SLC25A25: variants seen among roughly 807,000 people sequenced by gnomAD.
The protein encoded by SLC25A25 is mitochondrial adenyl nucleotide antiporter SLC25A25.
In SLC25A25, 32 loss-of-function variants were observed where a neutral mutation model predicts 57.7. The observed-to-expected ratio is 0.55, with a 90% CI of 0.42 to 0.74. The LOEUF (loss-of-function observed/expected upper bound fraction) is 0.74, where lower values mean the gene tolerates loss of function less well. SLC25A25 is among the 30% of genes least tolerant of loss of function. The pLI is 0.00. For synonymous variants in SLC25A25, 306 were observed against 291.2 expected, an observed-to-expected ratio of 1.05 and a Z score of -0.52; for missense variants, 556 against 701.3, an observed-to-expected ratio of 0.79 and a Z score of 2.34.
Position 128,107,736 on chromosome 9 carries a change from G to C in SLC25A25, c.*292G>C. 4.9e-6 allele frequency: 2 copies of C among 409,442 alleles called. No individual in the cohort carries two copies. Among genetic ancestry groups the C allele is most frequent in the Non-Finnish European group, 8.6e-6 (2 of 232,052 alleles). The allele number at this position is 409,442 out of a possible 1,614,324, so 25.4% of individuals were successfully genotyped here. On this transcript the variant is annotated 3_prime_UTR_variant, in exon 11 of 11. Transcript: ENST00000373069. ...GGACAGGACATTTTCTGCAGTGCCT[G>C]CCAATAGCGAGCTTGGAGCCTGGAG...
At chr9:128,098,529 G>T in intron 1 of SLC25A25, 2 of 1,576,328 alleles carry the variant, frequency 1.3e-6, no homozygotes, top group Non-Finnish European at 1.7e-6. Flanking sequence ...ACTTGCTCCC[G>T]GTGGTGAGGG....
chr9:128,078,573 G>A (rs1047920779), intron 1 of SLC25A25, among the ~76,000 whole-genome samples: 1 of 152,196 alleles, frequency 6.6e-6, no homozygotes. Context: ...TTTGGGGCCC[G>A]CATGCTTTCC....
intron 1 of SLC25A25, among the ~76,000 whole-genome samples, chr9:128,080,983 T>C (rs924932426): frequency 6.6e-6 from 1 of 152,180 alleles, no homozygotes; most frequent in African/African-American, 2.4e-5. Flanking sequence ...CAGTTAACTT[T>C]TTTCCTTTTT....
At position 128,099,264 on chromosome 9, in the gene SLC25A25, G is replaced by T. The variant is rs1407134920; in HGVS notation, c.262-1832G>T. Reference sequence around the variant, plus strand: ...GGCTTCTCGGTTAATCAGTTTCCCTGCTACCCCCAGTGCCCACTGTGCACC... The same window carrying T: ...GGCTTCTCGGTTAATCAGTTTCCCTTCTACCCCCAGTGCCCACTGTGCACC... On this transcript the variant is annotated intron_variant, in intron 1 of 10. Coordinates refer to ENST00000373069, the MANE Select transcript of SLC25A25 (RefSeq NM_001330988.2). This position sits in a 1 kb window ranked among gnomAD's most constrained non-coding sequence, Gnocchi z 6.8. 2.3e-6 allele frequency: 3 copies of T among 1,289,108 alleles called. No individual in the cohort carries two copies. In the Admixed American group the frequency reaches 6.9e-5, roughly 30 times the overall value. The allele number at this position is 1,289,108 out of a possible 1,614,324, so 79.9% of individuals were successfully genotyped here. A position where few individuals can be genotyped will look rare whatever the true frequency, so the allele number is the denominator to read the frequency against.
chr9:128,107,508 A>G lies in SLC25A25; in HGVS notation c.*64A>G. ...GGGCCGCAGCCTGGGGTGTGCAGCC[A>G]TCTCATTCTGTGAATGTGCCAACAC... On this transcript the variant is annotated 3_prime_UTR_variant, in exon 11 of 11. Coordinates refer to ENST00000373069, the MANE Select transcript of SLC25A25 (RefSeq NM_001330988.2). 1 of 1,481,460 alleles carries G rather than the reference A, an allele frequency of 6.8e-7. No homozygotes were observed. The highest frequency in any genetic ancestry group is 1.4e-5 in the African/African-American group (1 of 71,228). The allele number at this position is 1,481,460 out of a possible 1,614,324, so 91.8% of individuals were successfully genotyped here.
Position 128,099,496 on chromosome 9 carries a change from C to A in SLC25A25, c.262-1600C>A. 1 of 827,416 alleles carries A rather than the reference C, an allele frequency of 1.2e-6. No homozygotes were observed. The highest frequency in any genetic ancestry group is 1.6e-6 in the Non-Finnish European group (1 of 639,938). 51.3% of individuals were successfully genotyped at this position (827,416 alleles called of 1,614,324 possible). ...CCCAGAGGGCTCCATGCCTGATGTTCGCCTCCTGCCTAAATGGCTTGTCCA... is the reference window on the plus strand; with the variant it reads ...CCCAGAGGGCTCCATGCCTGATGTTAGCCTCCTGCCTAAATGGCTTGTCCA... On this transcript the variant is annotated intron_variant, in intron 1 of 10. Transcript: ENST00000373069. This position sits in a 1 kb window ranked among gnomAD's most constrained non-coding sequence, Gnocchi z 6.8.
intron 1 of SLC25A25, among the ~76,000 whole-genome samples, chr9:128,081,080 G>A (rs1008574687): frequency 1.3e-5 from 2 of 152,206 alleles, no homozygotes; most frequent in Admixed American, 1.3e-4. Flanking sequence ...TCTAAAGGTA[G>A]ATAGTTCTAT....
In SLC25A25 at chr9:128,068,469, G is replaced by C. The variant is rs1832830246; in HGVS notation, c.150G>C (p.Leu50=). Residue 50 remains leucine (L), a synonymous_variant, in exon 1 of 11, where the codon CTG becomes CTC. Coordinates refer to ENST00000373069, the MANE Select transcript of SLC25A25 (RefSeq NM_001330988.2). ...GGGGCCCGGACCACCGGCTGCGCCT[G>C]TGGAGACTCTTTCAGACGCTCGACG... ...ICGGPDHRLR[L]WRLFQTLDVN... is the part of the protein sequence containing the mutation. 3 of 1,553,140 alleles carry C rather than the reference G, an allele frequency of 1.9e-6. No homozygotes were observed. Among genetic ancestry groups the C allele is most frequent in the East Asian group, 2.5e-5 (1 of 40,748 alleles).
chr9:128,098,641 G>T, intron 1 of SLC25A25: 1 of 1,614,116 alleles, frequency 6.2e-7, no homozygotes, highest in Non-Finnish European at 8.5e-7. Context: ...AGTCGAAGGG[G>T]CTCCCTGCCG....
intron 6 of SLC25A25, among the ~76,000 whole-genome samples, chr9:128,105,043 G>A (rs1470203594): frequency 6.6e-6 from 1 of 150,542 alleles, no homozygotes; most frequent in Non-Finnish European, 1.5e-5. Flanking sequence ...ATTTTTAGTA[G>A]AGACGAGGTT....
At chr9:128,091,917 C>T (rs772659361) in intron 1 of SLC25A25, 1 of 1,613,134 alleles carries the variant, frequency 6.2e-7, no homozygotes, top group Admixed American at 1.7e-5. Context: ...TTCCCCAGGG[C>T]TGGGTGCCAC....
Position 128,106,521 on chromosome 9 carries a change from G to A in SLC25A25, c.1212+1G>A, listed in dbSNP as rs1269531476. 6.3e-7 allele frequency: 1 copy of A among 1,599,354 alleles called. No individual in the cohort carries two copies. The highest frequency in any genetic ancestry group is 8.5e-7 in the Non-Finnish European group (1 of 1,175,240). ...CGGCATCGACCTTGCAGTCTACGAG[G>A]TGAGGCCCAAGCTGGACAGATTTAG... is the stretch of plus-strand genomic sequence containing the variant. On this transcript the variant is annotated splice_donor_variant, in intron 9 of 10. Transcript: ENST00000373069. LOFTEE classifies it high-confidence loss of function.
In SLC25A25 at chr9:128,107,354, C is replaced by T; in HGVS notation, c.1458C>T (p.Ala486=). 1.3e-6 allele frequency: 2 copies of T among 1,517,162 alleles called. No homozygotes were observed. Among genetic ancestry groups the T allele is most frequent in the Non-Finnish European group, 1.8e-6 (2 of 1,131,454 alleles). 94.0% of individuals were successfully genotyped at this position (1,517,162 alleles called of 1,614,324 possible). ...CCTTCGGGCTGTACAGGGGGCTGGCCCCCAACTTCATGAAGGTCATCCCAG... is the reference window on the plus strand; with the variant it reads ...CCTTCGGGCTGTACAGGGGGCTGGCTCCCAACTTCATGAAGGTCATCCCAG... ...EGAFGLYRGL[A]PNFMKVIPAV... Residue 486 remains alanine (A), a synonymous_variant, in exon 11 of 11, where the codon GCC becomes GCT. Coordinates refer to ENST00000373069, the MANE Select transcript of SLC25A25 (RefSeq NM_001330988.2).
chr9:128,108,219 C>A lies in SLC25A25; in HGVS notation c.*775C>A. On this transcript the variant is annotated 3_prime_UTR_variant, in exon 11 of 11. Coordinates refer to ENST00000373069, the MANE Select transcript of SLC25A25 (RefSeq NM_001330988.2). ...ACCAAACTCACTGTCCCCACTGTGG[C>A]ATGAGGGCAGTGGAGCACCATGTTT... is the stretch of plus-strand genomic sequence containing the variant. 2.5e-6 allele frequency: 1 copy of A among 399,230 alleles called. No homozygotes were observed. The allele number at this position is 399,230 out of a possible 1,614,324, so 24.7% of individuals were successfully genotyped here. A position where few individuals can be genotyped will look rare whatever the true frequency, so the allele number is the denominator to read the frequency against.
rs559473935 is a variant in SLC25A25, at chr9:128,102,825, C to T, written c.624+344C>T. On this transcript the variant is annotated intron_variant, in intron 5 of 10. Transcript: ENST00000373069. This position sits in a 1 kb window ranked among gnomAD's most constrained non-coding sequence, Gnocchi z 4.1. The stretch of plus-strand genomic sequence containing the variant: ...CCAAAGCTGGTATGAGCCTTCCCCC[C>T]GGTGGGAGGGGGCTGGGGCAGAAGC... 9.8e-5 allele frequency among the ~76,000 whole-genome samples: 15 copies of T among 152,332 alleles called. No individual in the cohort carries two copies. Among genetic ancestry groups the T allele is most frequent in the East Asian group, 1.9e-4 (1 of 5,186 alleles).
At chr9:128,070,084 ATTTTTTTTTT>A (rs71381724) in intron 1 of SLC25A25, among the ~76,000 whole-genome samples, 1 of 6,366 alleles carries the variant, frequency 1.6e-4, no homozygotes, top group Non-Finnish European at 3.8e-4. Flanking sequence ...CACCCAGCTA[ATTTTTTTTTT>A]TTTTTTTTTT....
At chr9:128,089,939 T>C (rs1833361453) in intron 1 of SLC25A25, among the ~76,000 whole-genome samples, 1 of 152,160 alleles carries the variant, frequency 6.6e-6, no homozygotes, top group South Asian at 2.1e-4. Flanking sequence ...TCGGCCTTCT[T>C]TTTCAATGAT....
At chr9:128,097,069 G>A (rs759393794) in intron 1 of SLC25A25, among the ~76,000 whole-genome samples, 7 of 152,184 alleles carry the variant, frequency 4.6e-5, no homozygotes, top group African/African-American at 9.7e-5. Context: ...AACAACAAGC[G>A]TTTTAGTGCA....
chr9:128,092,202 T>C (rs1833429585), intron 1 of SLC25A25: 1 of 1,373,638 alleles, frequency 7.3e-7, no homozygotes, highest in African/African-American at 1.5e-5. Context: ...AGTTCGGGGT[T>C]CAGGGAGAAG....
Sources: allele counts gnomAD v4.1 joint callset (sites outside exome capture counted in the v4.1 genomes callset), GRCh38; gene constraint gnomAD v4.1.1; non-coding constraint Gnocchi (gnomAD v3.1); transcripts MANE v1.5; gene names NCBI Gene and HGNC (gene_info 2026-07-23, HGNC 2026-07-21).